Variants in NEK10 observed in about 807,000 individuals in gnomAD.
NEK10 encodes the protein serine/threonine-protein kinase Nek10.
A neutral mutation model predicts 159.8 loss-of-function variants in NEK10; 122 were observed. That is an observed-to-expected ratio of 0.76 (90% CI 0.66 to 0.89). The LOEUF (loss-of-function observed/expected upper bound fraction) is 0.89, where lower values mean the gene tolerates loss of function less well. Ranked by LOEUF, NEK10 falls within the 40% of genes least tolerant of loss-of-function variation. The probability of loss-of-function intolerance (pLI) is 0.00; values close to 1 mark genes in which losing one functional copy is unlikely to be tolerated. For synonymous variants in NEK10, 466 were observed against 457.1 expected (o/e 1.02, Z -0.25); for missense variants, 1,342 against 1,323.1 (o/e 1.01, Z -0.22).
intron 23 of NEK10, 104 bp from the exon 24 acceptor site, chr3:27,202,661 T>C (rs372288592): frequency 3.0e-6 from 4 of 1,340,130 alleles, no homozygotes; most frequent in African/African-American, 1.5e-5. Context: ...GTATCTGAAA[T>C]GTTTAACTTA....
At position 27,331,262 on chromosome 3, in the gene NEK10, A is replaced by AAAAAAAAAAAAAAAAAAAACAC; in HGVS notation, c.363-9002_363-9001insGTGTTTTTTTTTTTTTTTTTTT. 2.2e-4 allele frequency among the ~76,000 whole-genome samples: 24 copies of AAAAAAAAAAAAAAAAAAAACAC among 110,128 alleles called. 2 individuals carry two copies. The highest frequency in any genetic ancestry group is 3.9e-4 in the Non-Finnish European group (20 of 51,052). 72.2% of individuals were successfully genotyped at this position (110,128 alleles called of 152,430 possible). A position where few individuals can be genotyped will look rare whatever the true frequency, so the allele number is the denominator to read the frequency against. ...CAAAAAAAAAAAAACAAAAAAAAAA[A>AAAAAAAAAAAAAAAAAAAACAC]ACACACAAACCTAAGACTTTTGAGG... On this transcript the variant is annotated intron_variant, in intron 5 of 35. Transcript: ENST00000691995.
intron 26 of NEK10, among the ~76,000 whole-genome samples, chr3:27,185,144 T>C (rs1205671544): frequency 2.0e-5 from 3 of 152,182 alleles, no homozygotes; most frequent in Non-Finnish European, 4.4e-5. Context: ...GTTTGTGAAT[T>C]TAAAAAATAA....
chr3:27,259,287 C>A (rs1440330504), intron 22 of NEK10, among the ~76,000 whole-genome samples: 2 of 152,082 alleles, frequency 1.3e-5, no homozygotes, highest in Non-Finnish European at 2.9e-5. Context: ...ACATGAAGTC[C>A]TCGCCCATGC....
At chr3:27,136,213 C>T (rs533494794) in intron 31 of NEK10, among the ~76,000 whole-genome samples, 11 of 149,812 alleles carry the variant, frequency 7.3e-5, no homozygotes, top group Non-Finnish European at 1.0e-4. Context: ...CCCAGGTTCA[C>T]GCCACTATCC....
At chr3:27,215,494 T>G in intron 23 of NEK10, 1 of 416,610 alleles carries the variant, frequency 2.4e-6, no homozygotes, top group East Asian at 3.6e-5. Context: ...ATGCAATACA[T>G]TTTTAAAATA....
chr3:27,120,820 C>T (rs958160273), intron 32 of NEK10, among the ~76,000 whole-genome samples: 5 of 152,090 alleles, frequency 3.3e-5, no homozygotes, highest in Admixed American at 6.6e-5. Context: ...GTTTTTCAAC[C>T]TCCTTTCACC....
At chr3:27,203,810 A>G (rs2149049651) in intron 23 of NEK10, among the ~76,000 whole-genome samples, 1 of 152,328 alleles carries the variant, frequency 6.6e-6, no homozygotes, top group East Asian at 1.9e-4. Flanking sequence ...TCCTAGTTTA[A>G]GATTTATAGT....
At chr3:27,299,113 G>T (rs945009252) in intron 13 of NEK10, among the ~76,000 whole-genome samples, 1 of 152,210 alleles carries the variant, frequency 6.6e-6, no homozygotes, top group Admixed American at 6.5e-5. Context: ...TCCAGGGTGT[G>T]TCAGAGACCT....
At chr3:27,356,283 G>A (rs2048321328) in intron 1 of NEK10, among the ~76,000 whole-genome samples, 1 of 152,080 alleles carries the variant, frequency 6.6e-6, no homozygotes, top group South Asian at 2.1e-4. Context: ...GGCTGAAGTG[G>A]GAGGATCACT....
At chr3:27,272,799 A>C (rs185531840) in intron 22 of NEK10, among the ~76,000 whole-genome samples, 2 of 151,816 alleles carry the variant, frequency 1.3e-5, no homozygotes, top group East Asian at 3.9e-4. Flanking sequence ...GATACACATT[A>C]AATAAAGAAT....
intron 31 of NEK10, among the ~76,000 whole-genome samples, chr3:27,138,108 G>A (rs547940735): frequency 3.3e-5 from 5 of 152,262 alleles, no homozygotes; most frequent in East Asian, 1.9e-4. Flanking sequence ...GCCTTGCTGC[G>A]GCAGCTCATA....
At chr3:27,311,555 C>T (rs1368561022) in intron 8 of NEK10, 2 of 159,394 alleles carry the variant, frequency 1.3e-5, no homozygotes, top group African/African-American at 4.8e-5. Context: ...GACAGGCATC[C>T]CACACGGCAG....
intron 23 of NEK10, among the ~76,000 whole-genome samples, chr3:27,249,997 T>C (rs1955484992): frequency 6.6e-6 from 1 of 152,272 alleles, no homozygotes; most frequent in East Asian, 1.9e-4. Context: ...AAAGAAAACA[T>C]AAAAACTGTA....
chr3:27,348,388 A>G (rs1307675853), intron 3 of NEK10, among the ~76,000 whole-genome samples: 1 of 152,146 alleles, frequency 6.6e-6, no homozygotes, highest in African/African-American at 2.4e-5. Flanking sequence ...TCGGAAATCA[A>G]CTCATGGAAA....
intron 30 of NEK10, among the ~76,000 whole-genome samples, chr3:27,153,306 C>A (rs185666397): frequency 8.5e-5 from 12 of 141,756 alleles, no homozygotes; most frequent in Non-Finnish European, 1.5e-4. Flanking sequence ...GGCGACAGAG[C>A]GAGACTCCAT....
intron 23 of NEK10, among the ~76,000 whole-genome samples, chr3:27,234,217 G>T (rs538607808): frequency 6.6e-6 from 1 of 150,574 alleles, no homozygotes; most frequent in African/African-American, 2.4e-5. Context: ...GCACAAGAAT[G>T]CTCTCTTACA....
intron 11 of NEK10, among the ~76,000 whole-genome samples, chr3:27,306,470 C>T (rs2149567259): frequency 6.6e-6 from 1 of 152,286 alleles, no homozygotes; most frequent in African/African-American, 2.4e-5. Flanking sequence ...CTTTCCCAGC[C>T]TCTCTTTGTT....
intron 23 of NEK10, among the ~76,000 whole-genome samples, chr3:27,209,151 C>T (rs1450530243): frequency 1.3e-5 from 2 of 152,090 alleles, no homozygotes; most frequent in African/African-American, 4.8e-5. Context: ...TTTAAAAATG[C>T]AATAGTTGAA....
rs111440414 is a variant in NEK10, at chr3:27,247,820, C to CTT, written c.2090+8474_2090+8475dup. 4.7e-3 allele frequency among the ~76,000 whole-genome samples: 594 copies of CTT among 125,870 alleles called. 8 individuals are homozygous for CTT. Among genetic ancestry groups the CTT allele is most frequent in the East Asian group, 0.035 (154 of 4,352 alleles). The allele number at this position is 125,870 out of a possible 152,430, so 82.6% of individuals were successfully genotyped here. Reference sequence around the variant, plus strand: ...TTTTAATTTTCTTTTCTTTTCTTTTCTTTTTTTTTTTTTTTTCTGGAGGCG... The same window carrying CTT: ...TTTTAATTTTCTTTTCTTTTCTTTTCTTTTTTTTTTTTTTTTTTCTGGAGGCG... On this transcript the variant is annotated intron_variant, in intron 23 of 35. Transcript: ENST00000691995.
Sources: gnomAD v4.1 joint callset for allele counts (sites outside exome capture counted in the v4.1 genomes callset) on GRCh38, gnomAD v4.1.1 for gene constraint, MANE v1.5 for transcripts, NCBI Gene and HGNC (gene_info 2026-07-23, HGNC 2026-07-21) for gene names.